Variants in BCL11B observed in about 807,000 individuals in gnomAD.
BCL11B encodes B-cell lymphoma/leukemia 11B.
In BCL11B, 8 loss-of-function variants were observed where a neutral mutation model predicts 49.9. The ratio of observed to expected loss-of-function variants is 0.16; its 90% confidence interval spans 0.09 to 0.29. The LOEUF (loss-of-function observed/expected upper bound fraction) is 0.29. BCL11B is among the 10% of genes least tolerant of loss of function. The pLI is 1.00. For synonymous variants in BCL11B, 739 were observed against 637.4 expected (o/e 1.16, Z -2.40); for missense variants, 1,006 against 1,351.0 (o/e 0.74, Z 4.00).
intron 3 of BCL11B, among the ~76,000 whole-genome samples, chr14:99,190,313 C>A (rs1328093956): frequency 6.6e-6 from 1 of 152,262 alleles, no homozygotes; most frequent in East Asian, 1.9e-4. Flanking sequence ...ACAGTGAAAC[C>A]CCGTCTCTAC....
intron 3 of BCL11B, among the ~76,000 whole-genome samples, chr14:99,220,860 T>A (rs1037016228): frequency 2.1e-4 from 32 of 152,150 alleles, no homozygotes; most frequent in African/African-American, 6.3e-4. Flanking sequence ...TATTTATTTT[T>A]TTTATTTTTA....
chr14:99,181,094 A>C lies in BCL11B; in HGVS notation c.641-4899T>G, dbSNP rs569036634. Among the ~76,000 whole-genome samples, 18 of 152,334 alleles carry C rather than the reference A, an allele frequency of 1.2e-4. No individual in the cohort carries two copies. The East Asian group carries it at 2.1e-3, about 18-fold the overall frequency. ...ATCCAATGAAAAGGCCATAATTGATAGGGGTCCTCCTAAGGCCAAGTGATA... is the reference window on the plus strand; with the variant it reads ...ATCCAATGAAAAGGCCATAATTGATCGGGGTCCTCCTAAGGCCAAGTGATA... On this transcript the variant is annotated intron_variant, in intron 3 of 3. Coordinates refer to ENST00000357195, the MANE Select transcript of BCL11B (RefSeq NM_138576.4).
Position 99,174,894 on chromosome 14 carries a change from C to A in BCL11B, c.1942G>T (p.Gly648Cys). The A allele has an allele frequency of 9.3e-7, 1 of 1,075,830 alleles. No individual in the cohort carries two copies. The highest frequency in any genetic ancestry group is 1.1e-6 in the Non-Finnish European group (1 of 887,986). The allele number at this position is 1,075,830 out of a possible 1,614,324, so 66.6% of individuals were successfully genotyped here. ...DAGGCGDAGAGGAVNGRGGGF... is the reference protein window; with the variant it reads ...DAGGCGDAGACGAVNGRGGGF... ...CCCCCGCGCCCGTTGACCGCGCCGC[C>A]CGCGCCCGCGTCCCCGCAGCCGCCC... Residue 648 changes from glycine (G) to cysteine (C), a missense_variant, in exon 4 of 4, where the codon GGC becomes TGC. Around this residue, in one of 6 missense-constraint regions of BCL11B, gnomAD observed 443 missense variants for 499.7 expected, o/e 0.89. Transcript: ENST00000357195.
intron 1 of BCL11B, among the ~76,000 whole-genome samples, chr14:99,269,489 A>G (rs1369126089): frequency 2.7e-5 from 4 of 149,736 alleles, no homozygotes; most frequent in Non-Finnish European, 4.4e-5. Flanking sequence ...TCCCTCTCCC[A>G]AGGCGAATCC....
At chr14:99,219,608 G>T (rs1022827894) in intron 3 of BCL11B, among the ~76,000 whole-genome samples, 1 of 152,004 alleles carries the variant, frequency 6.6e-6, no homozygotes, top group Non-Finnish European at 1.5e-5. Flanking sequence ...GCGTGCACAG[G>T]ACACCGAGTG....
intron 1 of BCL11B, among the ~76,000 whole-genome samples, chr14:99,266,739 A>G (rs1889494329): frequency 6.6e-6 from 1 of 152,210 alleles, no homozygotes; most frequent in Non-Finnish European, 1.5e-5. Context: ...AGCTCCCCCT[A>G]GCTGCCAAGT....
intron 2 of BCL11B, among the ~76,000 whole-genome samples, chr14:99,255,566 T>C (rs1156525473): frequency 6.6e-6 from 1 of 152,120 alleles, no homozygotes. Context: ...CATTGGGAAA[T>C]GCCTTCAATG....
In BCL11B at chr14:99,174,788, C is replaced by T. The variant is rs764070866; in HGVS notation, c.2048G>A (p.Ser683Asn). 2.1e-6 allele frequency: 3 copies of T among 1,453,228 alleles called. No individual in the cohort carries two copies. The highest frequency in any genetic ancestry group is 3.0e-5 in the African/African-American group (2 of 67,670). The allele number at this position is 1,453,228 out of a possible 1,614,324, so 90.0% of individuals were successfully genotyped here. The change falls in exon 4 of 4, where the codon AGC becomes AAC. Residue 683 changes from serine to asparagine, a missense_variant. Coordinates refer to ENST00000357195, the MANE Select transcript of BCL11B (RefSeq NM_138576.4). ...CTCCACCTTGATGCGCTTGGCGGCG[C>T]TGTTGAGCCCGGGGCTGGGCAGCGG... ...PAPLPSPGLN[S>N]AAKRIKVEKD...
intron 3 of BCL11B, among the ~76,000 whole-genome samples, chr14:99,200,606 G>C (rs1262266224): frequency 6.6e-6 from 1 of 152,236 alleles, no homozygotes; most frequent in Non-Finnish European, 1.5e-5. Flanking sequence ...GCGAGGCGGG[G>C]CATCTCTCTT....
intron 3 of BCL11B, among the ~76,000 whole-genome samples, chr14:99,187,809 T>C (rs1451023399): frequency 7.2e-6 from 1 of 138,294 alleles, no homozygotes; most frequent in Non-Finnish European, 1.6e-5. Context: ...ACAGGAAGTC[T>C]CCCCTCTCCA....
chr14:99,209,444 T>A (rs1297435001), intron 3 of BCL11B, among the ~76,000 whole-genome samples: 1 of 150,970 alleles, frequency 6.6e-6, no homozygotes, highest in East Asian at 2.0e-4. Flanking sequence ...ACAAGCCTGG[T>A]CGTGGGCTGG....
At chr14:99,198,736 C>G (rs1887253818) in intron 3 of BCL11B, among the ~76,000 whole-genome samples, 1 of 152,216 alleles carries the variant, frequency 6.6e-6, no homozygotes, top group Non-Finnish European at 1.5e-5. Flanking sequence ...TTTGCACTCA[C>G]CAGAACAGCC....
chr14:99,193,166 T>A (rs1025499915), intron 3 of BCL11B, among the ~76,000 whole-genome samples: 1 of 152,196 alleles, frequency 6.6e-6, no homozygotes, highest in African/African-American at 2.4e-5. Flanking sequence ...TCAAGAAACG[T>A]AGTGATTTCG....
Position 99,173,024 on chromosome 14 carries a change from G to A in BCL11B, c.*1127C>T, listed in dbSNP as rs551730466. 1.8e-5 allele frequency: 4 copies of A among 221,572 alleles called. No individual in the cohort carries two copies. Among genetic ancestry groups the A allele is most frequent in the African/African-American group, 4.5e-5 (2 of 44,622 alleles). 13.7% of individuals were successfully genotyped at this position (221,572 alleles called of 1,614,324 possible). On this transcript the variant is annotated 3_prime_UTR_variant, in exon 4 of 4. Transcript: ENST00000357195. Reference sequence around the variant, plus strand: ...CTTCAATTAATTAGGGCATTCGTCTGCTTGGGAAATGATGGATGACCCCTT... The same window carrying A: ...CTTCAATTAATTAGGGCATTCGTCTACTTGGGAAATGATGGATGACCCCTT...
intron 2 of BCL11B, among the ~76,000 whole-genome samples, chr14:99,240,877 T>C (rs747080625): frequency 6.6e-6 from 1 of 152,242 alleles, no homozygotes; most frequent in Non-Finnish European, 1.5e-5. Flanking sequence ...GAGGTTTACA[T>C]TCGGCTGAGG....
rs1191664429 is a variant in BCL11B, at chr14:99,173,297, T to C, written c.*854A>G. Reference sequence around the variant, plus strand: ...CTGCTGGTCATGCACAACCTCAGAATGCTGTCGGGCCATTTCCCAGAGGAG... The same window carrying C: ...CTGCTGGTCATGCACAACCTCAGAACGCTGTCGGGCCATTTCCCAGAGGAG... On this transcript the variant is annotated 3_prime_UTR_variant, in exon 4 of 4. Transcript: ENST00000357195. 1 of 222,810 alleles carries C rather than the reference T, an allele frequency of 4.5e-6. No homozygotes were observed. Among genetic ancestry groups the C allele is most frequent in the Non-Finnish European group, 9.0e-6 (1 of 111,580 alleles). The allele number at this position is 222,810 out of a possible 1,614,324, so 13.8% of individuals were successfully genotyped here. A position where few individuals can be genotyped will look rare whatever the true frequency, so the allele number is the denominator to read the frequency against.
chr14:99,172,635 A>G lies in BCL11B; in HGVS notation c.*1516T>C. 4.7e-6 allele frequency: 1 copy of G among 214,654 alleles called. No homozygotes were observed. Among genetic ancestry groups the G allele is most frequent in the Middle Eastern group, 1.5e-3 (1 of 688 alleles). The allele number at this position is 214,654 out of a possible 1,614,324, so 13.3% of individuals were successfully genotyped here. A position where few individuals can be genotyped will look rare whatever the true frequency, so the allele number is the denominator to read the frequency against. On this transcript the variant is annotated 3_prime_UTR_variant, in exon 4 of 4. Transcript: ENST00000357195. ...TGTTCTTTATAGTGCCAGTATTGTG[A>G]ATGCCACGCTTAGCAATACTGACAC...
chr14:99,226,419 C>T (rs1595263576), intron 3 of BCL11B, among the ~76,000 whole-genome samples: 1 of 152,214 alleles, frequency 6.6e-6, no homozygotes, highest in Non-Finnish European at 1.5e-5. Context: ...CTAACACCCT[C>T]CTGGAGTGTC....
chr14:99,211,088 C>T (rs1457053660), intron 3 of BCL11B, among the ~76,000 whole-genome samples: 3 of 152,216 alleles, frequency 2.0e-5, no homozygotes, highest in Non-Finnish European at 4.4e-5. Flanking sequence ...CCTGAGCCAT[C>T]CACACATGCG....
Sources: allele counts gnomAD v4.1 joint callset (sites outside exome capture counted in the v4.1 genomes callset), GRCh38; gene constraint gnomAD v4.1.1; regional missense constraint gnomAD v4.1.1; transcripts MANE v1.5; gene names NCBI Gene and HGNC (gene_info 2026-07-23, HGNC 2026-07-21).